NDUFA10: variants seen among roughly 807,000 people sequenced by gnomAD.
The protein encoded by NDUFA10 is NADH:ubiquinone oxidoreductase subunit A10.
In NDUFA10, 40 loss-of-function variants were observed where a neutral mutation model predicts 47.8. The observed-to-expected ratio is 0.84, with a 90% CI of 0.65 to 1.09. The LOEUF (loss-of-function observed/expected upper bound fraction) is 1.09, where lower values mean the gene tolerates loss of function less well. Among genes scored for constraint, NDUFA10 ranks in the 50% least tolerant of loss-of-function variants. NDUFA10 has a pLI of 0.00. For missense variants in NDUFA10, 413 were observed against 451.1 expected, an observed-to-expected ratio of 0.92 and a Z score of 0.76; for synonymous variants, 183 against 172.2, an observed-to-expected ratio of 1.06 and a Z score of -0.49.
intron 9 of NDUFA10, among the ~76,000 whole-genome samples, chr2:239,966,861 TTTTTTTTTTC>T (rs1205578251): frequency 9.2e-6 from 1 of 108,858 alleles, no homozygotes; most frequent in African/African-American, 3.5e-5. Context: ...TTTTTTTTTT[TTTTTTTTTTC>T]CCTAAGAGAG....
intron 5 of NDUFA10, among the ~76,000 whole-genome samples, chr2:239,893,467 T>C (rs1693333715): frequency 6.6e-6 from 1 of 152,174 alleles, no homozygotes; most frequent in African/African-American, 2.4e-5. Context: ...AGAAAAAGAA[T>C]AGAACATTAT....
intron 5 of NDUFA10, among the ~76,000 whole-genome samples, chr2:239,894,312 A>C (rs1227231003): frequency 1.5e-5 from 2 of 136,496 alleles, no homozygotes; most frequent in African/African-American, 5.8e-5. Context: ...TCCCAGCCTC[A>C]TTCCTTCTCT....
chr2:239,949,273 G>A (rs1694511205), intron 4 of NDUFA10, among the ~76,000 whole-genome samples: 1 of 152,234 alleles, frequency 6.6e-6, no homozygotes, highest in South Asian at 2.1e-4. Flanking sequence ...GGCGAAGCGA[G>A]TTAGCAATTG....
intron 8 of NDUFA10, among the ~76,000 whole-genome samples, chr2:239,997,694 T>C (rs1696537916): frequency 6.6e-6 from 1 of 152,244 alleles, no homozygotes; most frequent in Non-Finnish European, 1.5e-5. Flanking sequence ...AGATCTATTT[T>C]AAAGAAACAG....
chr2:239,895,820 C>G (rs542542594), intron 4 of NDUFA10, among the ~76,000 whole-genome samples: 3 of 152,226 alleles, frequency 2.0e-5, no homozygotes, highest in Non-Finnish European at 4.4e-5. Context: ...TTTGATTTCA[C>G]TTCTCGATAC....
At chr2:239,948,067 C>T (rs575013675) in intron 4 of NDUFA10, among the ~76,000 whole-genome samples, 1 of 152,206 alleles carries the variant, frequency 6.6e-6, no homozygotes, top group Non-Finnish European at 1.5e-5. Flanking sequence ...GGGACAAGCT[C>T]TGTCGTCACT....
chr2:239,993,338 A>G (rs1169273122), intron 8 of NDUFA10, among the ~76,000 whole-genome samples: 2 of 152,250 alleles, frequency 1.3e-5, no homozygotes, highest in Non-Finnish European at 2.9e-5. Flanking sequence ...ACAAACAAGG[A>G]TACCATATAC....
chr2:239,952,282 C>T (rs1220276333), intron 4 of NDUFA10, among the ~76,000 whole-genome samples: 1 of 146,872 alleles, frequency 6.8e-6, no homozygotes, highest in African/African-American at 2.5e-5. Context: ...GCACAAAGGG[C>T]TCTGAAGGCA....
chr2:239,972,765 C>T (rs1298414287), intron 9 of NDUFA10, among the ~76,000 whole-genome samples: 2 of 152,074 alleles, frequency 1.3e-5, no homozygotes. Context: ...AACAATAGTT[C>T]AAATGTCTTA....
rs951861735 is a variant in NDUFA10 at position 239,960,554 on chromosome 2, G to A, written c.*564C>T. The A allele has an allele frequency of 1.5e-5, 15 of 996,954 alleles. No homozygotes were observed. Among genetic ancestry groups the A allele is most frequent in the Admixed American group, 5.3e-5 (1 of 18,872 alleles). 61.8% of individuals were successfully genotyped at this position (996,954 alleles called of 1,614,324 possible). ...TCTCCTTTTGCTATTTCTTCTTCAC[G>A]TTCTTATTTTTTCTACTCTAATGTA... is the stretch of plus-strand genomic sequence containing the variant. On this transcript the variant is annotated 3_prime_UTR_variant, in exon 10 of 10. Coordinates refer to ENST00000252711, the MANE Select transcript of NDUFA10 (RefSeq NM_004544.4).
chr2:240,022,315 C>T lies in NDUFA10; in HGVS notation c.101G>A (p.Cys34Tyr). 1.9e-6 allele frequency: 3 copies of T among 1,614,110 alleles called. No individual in the cohort carries two copies. In the South Asian group the frequency reaches 3.3e-5, roughly 18 times the overall value. ...ATGCCACATTCCATAGCGCAGTTTG[C>T]ACTGCACACTGCTATGAATTCCTCT... ...RVRGIHSSVQ[C>Y]KLRYGMWHFL... Residue 34 changes from cysteine to tyrosine, a missense_variant, in exon 2 of 10, where the codon TGC (cysteine) becomes TAC (tyrosine). Coordinates refer to ENST00000252711, the MANE Select transcript of NDUFA10 (RefSeq NM_004544.4).
At chr2:239,971,156 A>G (rs1404397099) in intron 9 of NDUFA10, among the ~76,000 whole-genome samples, 2 of 152,286 alleles carry the variant, frequency 1.3e-5, no homozygotes. Context: ...CTTTGTAAGA[A>G]GAAAGCAGAA....
chr2:240,007,935 T>C (rs1320101040), intron 6 of NDUFA10, among the ~76,000 whole-genome samples: 2 of 152,076 alleles, frequency 1.3e-5, no homozygotes, highest in Non-Finnish European at 2.9e-5. Flanking sequence ...CTCCACACAT[T>C]TAGGATGTAA....
rs565458510 is a variant in NDUFA10, at chr2:239,932,006, T to A, written c.295-36692A>T. Among the ~76,000 whole-genome samples, 14 of 152,132 alleles carry A rather than the reference T, an allele frequency of 9.2e-5. 1 individual carries two copies. In the South Asian group the frequency reaches 2.9e-3, roughly 32 times the overall value. Reference sequence around the variant, plus strand: ...GCCCATCACCACGCCCAGCTATTTTTTGTATTTTTAGTAGAGACGGGGTTT... The same window carrying A: ...GCCCATCACCACGCCCAGCTATTTTATGTATTTTTAGTAGAGACGGGGTTT... On this transcript the variant is annotated intron_variant, in intron 4 of 5. Coordinates refer to the NDUFA10 transcript ENST00000419408.
chr2:239,933,049 T>C (rs1270076947), intron 4 of NDUFA10, among the ~76,000 whole-genome samples: 1 of 152,134 alleles, frequency 6.6e-6, no homozygotes, highest in Non-Finnish European at 1.5e-5. Context: ...CTGTCTCCCG[T>C]GGCAGGGCCT....
At chr2:239,930,279 C>T (rs576179590) in intron 4 of NDUFA10, among the ~76,000 whole-genome samples, 1 of 151,560 alleles carries the variant, frequency 6.6e-6, no homozygotes, top group Admixed American at 6.6e-5. Flanking sequence ...TCTCCACCAC[C>T]CCTGCTCCTC....
rs150054942 is a variant in NDUFA10 at position 240,021,234 on chromosome 2, C to T, written c.423G>A (p.Leu141=). 9.9e-6 allele frequency: 16 copies of T among 1,614,212 alleles called. No individual in the cohort carries two copies. The African/African-American group carries it at 1.5e-4, about 15-fold the overall frequency. The change falls in exon 3 of 10, where the codon CTG becomes CTA. Residue 141 remains leucine, a synonymous_variant. Coordinates refer to ENST00000252711, the MANE Select transcript of NDUFA10 (RefSeq NM_004544.4). ...LQSWLYSSRL[L]QYSDALEHLL... ...AGTGCTCCAAGGCATCTGAGTACTG[C>T]AGCAGGCGACTGCTGTACAACCAGG...
At chr2:239,993,973 G>C (rs1179313135) in intron 8 of NDUFA10, among the ~76,000 whole-genome samples, 3 of 152,080 alleles carry the variant, frequency 2.0e-5, no homozygotes, top group Admixed American at 2.0e-4. Context: ...CCTGCAGCCC[G>C]AGAGGTGAGA....
intron 4 of NDUFA10, among the ~76,000 whole-genome samples, chr2:239,910,622 C>G (rs1319487253): frequency 2.0e-5 from 3 of 152,046 alleles, no homozygotes; most frequent in Admixed American, 2.0e-4. Context: ...GGCTTAGTAC[C>G]TGGGTGATGG....
Sources: allele counts gnomAD v4.1 joint callset (sites outside exome capture counted in the v4.1 genomes callset), GRCh38; gene constraint gnomAD v4.1.1; transcripts MANE v1.5; gene names NCBI Gene and HGNC (gene_info 2026-07-23, HGNC 2026-07-21).